MYO6: variants seen among roughly 807,000 people sequenced by gnomAD.
The protein encoded by MYO6 is myosin VI.
Under a neutral mutation model 178.7 loss-of-function variants are expected in MYO6, and 74 were observed. The ratio of observed to expected loss-of-function variants is 0.41; its 90% CI spans 0.34 to 0.50. The LOEUF (loss-of-function observed/expected upper bound fraction) is 0.50, where lower values mean the gene tolerates loss of function less well. MYO6 is among the 20% of genes least tolerant of loss of function. MYO6 has a pLI of 0.09. For missense variants in MYO6, 1,330 were observed against 1,547.4 expected (o/e 0.86, Z 2.36); for synonymous variants, 477 against 504.6 (o/e 0.95, Z 0.73).
chr6:75,895,007 A>T (rs954003004), intron 28 of MYO6, among the ~76,000 whole-genome samples: 4 of 152,216 alleles, frequency 2.6e-5, no homozygotes, highest in Non-Finnish European at 5.9e-5. Flanking sequence ...TCTAATCTAG[A>T]TGTAATGTAT....
intron 1 of MYO6, among the ~76,000 whole-genome samples, chr6:75,810,983 G>A (rs1770641798): frequency 6.6e-6 from 1 of 151,876 alleles, no homozygotes; most frequent in African/African-American, 2.4e-5. Flanking sequence ...CTCCAGCCTG[G>A]GTGAAAAAGT....
chr6:75,913,737 T>C (rs1780941949), intron 33 of MYO6, among the ~76,000 whole-genome samples: 1 of 151,852 alleles, frequency 6.6e-6, no homozygotes, highest in Non-Finnish European at 1.5e-5. Context: ...AGTAGTTTGT[T>C]TTCCTGCCGT....
At chr6:75,852,206 A>G (rs1455793049) in intron 11 of MYO6, among the ~76,000 whole-genome samples, 1 of 152,056 alleles carries the variant, frequency 6.6e-6, no homozygotes, top group Non-Finnish European at 1.5e-5. Context: ...GAATTATTTG[A>G]TGGTCAATTT....
intron 1 of MYO6, among the ~76,000 whole-genome samples, chr6:75,809,088 G>A (rs1164952426): frequency 6.6e-6 from 1 of 152,202 alleles, no homozygotes; most frequent in East Asian, 1.9e-4. Context: ...ACTGAGTTCT[G>A]GCTGTCCTTC....
chr6:75,817,232 G>A (rs754232651), intron 1 of MYO6, among the ~76,000 whole-genome samples: 1 of 151,626 alleles, frequency 6.6e-6, no homozygotes, highest in Non-Finnish European at 1.5e-5. Flanking sequence ...GTGATCCTGG[G>A]AGGCGGAGCT....
intron 1 of MYO6, among the ~76,000 whole-genome samples, chr6:75,799,263 C>G (rs996482986): frequency 6.6e-6 from 1 of 151,776 alleles, no homozygotes; most frequent in African/African-American, 2.4e-5. Flanking sequence ...GGTGGCAGGC[C>G]CCTGTAATCC....
intron 23 of MYO6, among the ~76,000 whole-genome samples, 153 bp from the exon 24 acceptor site, chr6:75,885,851 G>A (rs1437121951): frequency 6.6e-6 from 1 of 152,124 alleles, no homozygotes; most frequent in Non-Finnish European, 1.5e-5. Flanking sequence ...CAAAAAAGGT[G>A]TTAAAACTTT....
rs1776780762 is a variant in MYO6 at position 75,867,306 on chromosome 6, A to G, written c.1944+201A>G. 6.1e-6 allele frequency: 3 copies of G among 492,096 alleles called. No individual in the cohort carries two copies. In the East Asian group the frequency reaches 1.1e-4, roughly 18 times the overall value. 30.5% of individuals were successfully genotyped at this position (492,096 alleles called of 1,614,324 possible). On this transcript the variant is annotated intron_variant, in intron 18 of 34. Transcript: ENST00000369977. ...TACAGAAATGCTTGTAATTATCTGA[A>G]TGTGTTCATTCTTGGTTCTTAACAT...
intron 1 of MYO6, among the ~76,000 whole-genome samples, chr6:75,753,145 A>G (rs537667075): frequency 5.9e-4 from 90 of 152,238 alleles, no homozygotes; most frequent in Middle Eastern, 3.4e-3. Context: ...GGAATCATGC[A>G]TTTCAGCAGT....
chr6:75,785,163 G>C (rs1187321808), intron 1 of MYO6, among the ~76,000 whole-genome samples: 1 of 152,104 alleles, frequency 6.6e-6, no homozygotes, highest in Non-Finnish European at 1.5e-5. Flanking sequence ...ATTAATTGCT[G>C]TCTGTTCTAT....
intron 10 of MYO6, among the ~76,000 whole-genome samples, chr6:75,847,971 T>A (rs1774889211): frequency 6.6e-6 from 1 of 152,136 alleles, no homozygotes; most frequent in Admixed American, 6.6e-5. Context: ...TTACCTCATT[T>A]AAAAAAACTG....
chr6:75,820,159 A>G (rs1294859888), intron 2 of MYO6, among the ~76,000 whole-genome samples: 3 of 152,178 alleles, frequency 2.0e-5, no homozygotes, highest in Non-Finnish European at 2.9e-5. Flanking sequence ...TATGGCATAG[A>G]AGGGTCTGCA....
At chr6:75,829,344 G>A (rs1772828454) in intron 4 of MYO6, among the ~76,000 whole-genome samples, 1 of 152,050 alleles carries the variant, frequency 6.6e-6, no homozygotes, top group South Asian at 2.1e-4. Context: ...TTTGGTGACT[G>A]GAGATAAATT....
chr6:75,886,166 T>C, intron 24 of MYO6, 72 bp downstream of exon 24: 3 of 1,068,294 alleles, frequency 2.8e-6, no homozygotes, highest in Non-Finnish European at 4.3e-6. Context: ...AATAAAGTCA[T>C]AATAAAAAGC....
At chr6:75,824,540 T>C (rs921565016) in intron 3 of MYO6, among the ~76,000 whole-genome samples, 2 of 152,096 alleles carry the variant, frequency 1.3e-5, no homozygotes, top group Non-Finnish European at 2.9e-5. Context: ...TAGCTTTGTG[T>C]TATACACTTG....
chr6:75,862,572 G>A (rs774364496), intron 15 of MYO6, 24 bp from the exon 16 acceptor site: 63 of 1,588,320 alleles, frequency 4.0e-5, no homozygotes, highest in Non-Finnish European at 5.4e-5. Flanking sequence ...ACACTATTGT[G>A]AGTGTTTTCA....
At chr6:75,761,596 C>CACACACACAT (rs1777951110) in intron 1 of MYO6, among the ~76,000 whole-genome samples, 1 of 142,428 alleles carries the variant, frequency 7.0e-6, no homozygotes, top group Admixed American at 6.9e-5. Flanking sequence ...TGTTAGAACA[C>CACACACACAT]ACACACACAC....
intron 1 of MYO6, among the ~76,000 whole-genome samples, chr6:75,801,669 A>G (rs1336102963): frequency 1.3e-5 from 2 of 152,178 alleles, no homozygotes; most frequent in African/African-American, 2.4e-5. Flanking sequence ...GGCTGGGCAC[A>G]GTGGCTCATG....
intron 10 of MYO6, among the ~76,000 whole-genome samples, chr6:75,846,638 CTA>C (rs917901341): frequency 6.6e-6 from 1 of 152,038 alleles, no homozygotes; most frequent in Non-Finnish European, 1.5e-5. Context: ...CTTGATAAGA[CTA>C]TGTTTTTCTG....
Sources: gnomAD v4.1 joint callset for allele counts (sites outside exome capture counted in the v4.1 genomes callset) on GRCh38, gnomAD v4.1.1 for gene constraint, MANE v1.5 for transcripts, NCBI Gene and HGNC (gene_info 2026-07-23, HGNC 2026-07-21) for gene names.